The following L3MBTL4 variants were observed in gnomAD, a reference collection of about 807,000 sequenced individuals.
L3MBTL4 encodes the protein lethal(3)malignant brain tumor-like protein 4.
A neutral mutation model predicts 84.5 loss-of-function variants in L3MBTL4; 70 were observed. The observed-to-expected ratio is 0.83, with a 90% confidence interval of 0.68 to 1.01. L3MBTL4 has a LOEUF of 1.01. Ranked by LOEUF, L3MBTL4 falls within the 50% of genes least tolerant of loss-of-function variation. L3MBTL4 has a pLI of 0.00. For missense variants in L3MBTL4, 715 were observed against 754.8 expected (o/e 0.95, Z 0.62); for synonymous variants, 274 against 259.8 (o/e 1.05, Z -0.52).
chr18:6,099,419 C>T (rs1278267494), intron 14 of L3MBTL4, among the ~76,000 whole-genome samples: 1 of 151,076 alleles, frequency 6.6e-6, no homozygotes, highest in African/African-American at 2.4e-5. Flanking sequence ...TGAAGAGTAA[C>T]AGCAAGTACA....
At chr18:6,109,881 G>A (rs2059134622) in intron 14 of L3MBTL4, among the ~76,000 whole-genome samples, 1 of 152,080 alleles carries the variant, frequency 6.6e-6, no homozygotes, top group African/African-American at 2.4e-5. Context: ...AAAGAGAAGT[G>A]GAAGGTCAGT....
chr18:6,027,562 T>C (rs2055569284), intron 16 of L3MBTL4, among the ~76,000 whole-genome samples: 1 of 152,230 alleles, frequency 6.6e-6, no homozygotes, highest in Non-Finnish European at 1.5e-5. Context: ...AGTAATGGGA[T>C]TGCTGGGTCA....
At chr18:6,116,446 C>T (rs1292402370) in intron 14 of L3MBTL4, among the ~76,000 whole-genome samples, 1 of 151,348 alleles carries the variant, frequency 6.6e-6, no homozygotes, top group Non-Finnish European at 1.5e-5. Flanking sequence ...TCACAGCAAC[C>T]TCCGCCTCCC....
At chr18:6,264,387 A>G (rs1599397071) in intron 4 of L3MBTL4, among the ~76,000 whole-genome samples, 1 of 152,214 alleles carries the variant, frequency 6.6e-6, no homozygotes, top group Non-Finnish European at 1.5e-5. Flanking sequence ...TTAATAGTCT[A>G]AAGTTTTTTA....
intron 5 of L3MBTL4, among the ~76,000 whole-genome samples, chr18:6,249,394 C>G (rs977214294): frequency 6.6e-6 from 1 of 152,128 alleles, no homozygotes; most frequent in Non-Finnish European, 1.5e-5. Flanking sequence ...TCTTATCACA[C>G]GTGATTGATA....
intron 4 of L3MBTL4, among the ~76,000 whole-genome samples, chr18:6,284,479 C>T (rs454956): frequency 0.017 from 2,654 of 152,248 alleles, 73 homozygotes; most frequent in African/African-American, 0.061. Flanking sequence ...GGAAAGGGCC[C>T]GCAGCTCAGC....
chr18:6,283,759 T>C (rs1001838038), intron 4 of L3MBTL4, among the ~76,000 whole-genome samples: 1 of 152,354 alleles, frequency 6.6e-6, no homozygotes, highest in Admixed American at 6.5e-5. Flanking sequence ...GCAAGAGAAT[T>C]GAGGCTTGGA....
chr18:6,229,463 G>C (rs986502162), intron 10 of L3MBTL4, among the ~76,000 whole-genome samples: 5 of 152,004 alleles, frequency 3.3e-5, no homozygotes, highest in Admixed American at 6.6e-5. Flanking sequence ...TTCGATGTAT[G>C]GAAGTTTTTA....
rs1034903797 is a variant in L3MBTL4, at chr18:6,323,481, G to A, written c.-90-11425C>T. 2.0e-5 allele frequency among the ~76,000 whole-genome samples: 3 copies of A among 152,222 alleles called. No individual in the cohort carries two copies. In the South Asian group the frequency reaches 6.2e-4, roughly 32 times the overall value. ...TGAGGAGATCTCAGATGGAAATGAA[G>A]TTATTGGGAAATGAAGCAAAGGTCA... On this transcript the variant is annotated intron_variant, in intron 1 of 18. Transcript: ENST00000317931.
In L3MBTL4 at chr18:6,138,253, A is replaced by T. The variant is rs2060088853; in HGVS notation, c.1140T>A (p.Pro380=). 6.2e-7 allele frequency: 1 copy of T among 1,613,346 alleles called. No individual in the cohort carries two copies. The highest frequency in any genetic ancestry group is 8.5e-7 in the Non-Finnish European group (1 of 1,179,558). ...GGCCTATTCCTCGGCACCCGGGAGT[A>T]GGACAGACAGCTTGACCTGGAAGGA... ...LKILPGQAVC[P]TPGCRGIGHI... The change falls in exon 14 of 19, where the codon CCT becomes CCA. Residue 380 remains proline (P), a synonymous_variant. Transcript: ENST00000317931.
intron 1 of L3MBTL4, among the ~76,000 whole-genome samples, chr18:6,369,166 G>A (rs2054057967): frequency 6.6e-6 from 1 of 152,170 alleles, no homozygotes. Flanking sequence ...GCTACAGCTT[G>A]GGGCAGTGTG....
At chr18:6,336,651 G>C (rs2052354277) in intron 1 of L3MBTL4, among the ~76,000 whole-genome samples, 1 of 152,218 alleles carries the variant, frequency 6.6e-6, no homozygotes, top group Admixed American at 6.5e-5. Flanking sequence ...CTTCACCTCA[G>C]CTAGCTTAAG....
rs79919602 is a variant in L3MBTL4, at chr18:6,045,268, T to A, written c.1444+35613A>T. ...GTAAAAGATATTTCAACCAAGAATT[T>A]CGTATCTCACCAAATTAAACTTCAA... On this transcript the variant is annotated intron_variant, in intron 16 of 18. Coordinates refer to ENST00000317931, the MANE Select transcript of L3MBTL4 (RefSeq NM_001330559.2). 9.3e-3 allele frequency among the ~76,000 whole-genome samples: 1,414 copies of A among 152,316 alleles called. 6 individuals carry two copies. The highest frequency in any genetic ancestry group is 0.061 in the Middle Eastern group (18 of 294).
At chr18:6,023,731 G>A (rs1045942260) in intron 16 of L3MBTL4, among the ~76,000 whole-genome samples, 6 of 152,096 alleles carry the variant, frequency 3.9e-5, no homozygotes, top group Admixed American at 1.3e-4. Context: ...GCCTGTGTGG[G>A]GCTGTACCTT....
chr18:5,969,641 G>A, intron 16 of L3MBTL4, 79 bp from the exon 17 acceptor site: 1 of 1,447,674 alleles, frequency 6.9e-7, no homozygotes. Context: ...AGTCCGGAGG[G>A]CCCAAGTCAG....
At chr18:5,969,113 A>G (rs148247046) in intron 17 of L3MBTL4, among the ~76,000 whole-genome samples, 1 of 152,302 alleles carries the variant, frequency 6.6e-6, no homozygotes, top group Non-Finnish European at 1.5e-5. Flanking sequence ...CTCTGCTTGA[A>G]TTAGCCCCAG....
chr18:6,312,777 T>C (rs1197992127), intron 1 of L3MBTL4, among the ~76,000 whole-genome samples: 1 of 152,244 alleles, frequency 6.6e-6, no homozygotes, highest in Non-Finnish European at 1.5e-5. Flanking sequence ...TAAACATTTA[T>C]TGAATTTACC....
intron 1 of L3MBTL4, among the ~76,000 whole-genome samples, chr18:6,360,695 A>G (rs372187275): frequency 1.3e-5 from 2 of 152,222 alleles, no homozygotes; most frequent in East Asian, 3.9e-4. Flanking sequence ...CAAGAATGAT[A>G]CTGGGGCAGA....
intron 16 of L3MBTL4, among the ~76,000 whole-genome samples, chr18:6,008,275 G>T (rs2054579158): frequency 4.6e-5 from 7 of 152,164 alleles, no homozygotes; most frequent in South Asian, 2.1e-4. Context: ...CTGCAGGAAG[G>T]CTGTGACCTC....
Sources: gnomAD v4.1 joint callset for allele counts (sites outside exome capture counted in the v4.1 genomes callset) on GRCh38, gnomAD v4.1.1 for gene constraint, MANE v1.5 for transcripts, NCBI Gene and HGNC (gene_info 2026-07-23, HGNC 2026-07-21) for gene names.